FBXL7: variants seen among roughly 807,000 people sequenced by gnomAD.
The protein encoded by FBXL7 is F-box/LRR-repeat protein 7.
A neutral mutation model predicts 38.3 loss-of-function variants in FBXL7; 12 were observed. That is an observed-to-expected ratio of 0.31 (90% CI 0.20 to 0.51). The LOEUF (loss-of-function observed/expected upper bound fraction) is 0.51, where lower values mean the gene tolerates loss of function less well. FBXL7 is among the 20% of genes least tolerant of loss of function. The probability of loss-of-function intolerance (pLI) is 0.98; values close to 1 mark genes in which losing one functional copy is unlikely to be tolerated. For synonymous variants in FBXL7, 297 were observed against 300.9 expected (o/e 0.99, Z 0.13); for missense variants, 567 against 676.4 (o/e 0.84, Z 1.79).
intron 2 of FBXL7, among the ~76,000 whole-genome samples, chr5:15,668,292 C>T (rs931288280): frequency 2.6e-5 from 4 of 151,920 alleles, no homozygotes; most frequent in East Asian, 3.9e-4. Context: ...CCAGCTTCTA[C>T]GTTTTTCCTC....
chr5:15,913,148 C>T (rs940720603), intron 2 of FBXL7, among the ~76,000 whole-genome samples: 1 of 151,154 alleles, frequency 6.6e-6, no homozygotes, highest in Non-Finnish European at 1.5e-5. Flanking sequence ...TTGTTTGGCA[C>T]TTAGTGCCTT....
intron 2 of FBXL7, among the ~76,000 whole-genome samples, chr5:15,707,027 G>A (rs529283442): frequency 1.3e-5 from 2 of 152,016 alleles, no homozygotes; most frequent in Non-Finnish European, 2.9e-5. Flanking sequence ...TAAAATTTAA[G>A]CCTTCACTTT....
intron 2 of FBXL7, among the ~76,000 whole-genome samples, chr5:15,892,348 G>A (rs1394900030): frequency 2.0e-5 from 3 of 152,340 alleles, no homozygotes; most frequent in African/African-American, 7.2e-5. Flanking sequence ...CAAAGACTGT[G>A]GCTCTTATGC....
intron 2 of FBXL7, among the ~76,000 whole-genome samples, chr5:15,787,579 A>G (rs868588911): frequency 6.6e-6 from 1 of 152,196 alleles, no homozygotes; most frequent in Non-Finnish European, 1.5e-5. Flanking sequence ...GGTCAGAAAT[A>G]CAGAGAGCCT....
At chr5:15,565,871 T>C (rs996427582) in intron 1 of FBXL7, among the ~76,000 whole-genome samples, 13 of 152,130 alleles carry the variant, frequency 8.5e-5, no homozygotes, top group African/African-American at 3.1e-4. Context: ...GTGACCCATA[T>C]GAGGGAGGAC....
At chr5:15,507,359 T>G (rs1478871911) in intron 1 of FBXL7, among the ~76,000 whole-genome samples, 1 of 152,222 alleles carries the variant, frequency 6.6e-6, no homozygotes, top group Non-Finnish European at 1.5e-5. Flanking sequence ...TTTGGGGATC[T>G]TTTTGCACAT....
intron 2 of FBXL7, among the ~76,000 whole-genome samples, chr5:15,647,477 A>G (rs1741569328): frequency 6.6e-6 from 1 of 152,240 alleles, no homozygotes; most frequent in Non-Finnish European, 1.5e-5. Context: ...AGACCACAGC[A>G]ATGTCTACAA....
chr5:15,618,648 T>C (rs971218069), intron 2 of FBXL7, among the ~76,000 whole-genome samples: 2 of 152,180 alleles, frequency 1.3e-5, no homozygotes, highest in African/African-American at 4.8e-5. Context: ...CTCTGACCTC[T>C]AGAGGGTGGA....
At chr5:15,518,107 CAGCCTCCT>C (rs1226301771) in intron 1 of FBXL7, among the ~76,000 whole-genome samples, 1 of 152,156 alleles carries the variant, frequency 6.6e-6, no homozygotes, top group African/African-American at 2.4e-5. Context: ...TCTCCTGTCT[CAGCCTCCT>C]GGGTACCTGG....
intron 1 of FBXL7, among the ~76,000 whole-genome samples, chr5:15,549,728 T>G (rs1173290146): frequency 6.6e-6 from 1 of 152,326 alleles, no homozygotes; most frequent in South Asian, 2.1e-4. Context: ...TGATTCTGAC[T>G]CCAGGCCCAC....
chr5:15,693,611 G>T (rs924737382), intron 2 of FBXL7, among the ~76,000 whole-genome samples: 1 of 152,046 alleles, frequency 6.6e-6, no homozygotes, highest in East Asian at 1.9e-4. Context: ...ACTCTGGCCC[G>T]CCATGTCCCC....
intron 2 of FBXL7, among the ~76,000 whole-genome samples, chr5:15,779,884 C>T (rs145299302): frequency 1.3e-5 from 2 of 152,252 alleles, no homozygotes; most frequent in African/African-American, 4.8e-5. Flanking sequence ...TCTTGGAATA[C>T]TTGTTTTTCA....
At chr5:15,550,499 C>T (rs1448552597) in intron 1 of FBXL7, among the ~76,000 whole-genome samples, 1 of 150,966 alleles carries the variant, frequency 6.6e-6, no homozygotes, top group African/African-American at 2.5e-5. Flanking sequence ...AAACTTAGGC[C>T]TGAAAAGAGC....
At chr5:15,921,145 G>T (rs1438457695) in intron 2 of FBXL7, among the ~76,000 whole-genome samples, 1 of 152,048 alleles carries the variant, frequency 6.6e-6, no homozygotes, top group Admixed American at 6.6e-5. Flanking sequence ...AATTTGGGAG[G>T]CCGAGGCAGG....
Position 15,790,128 on chromosome 5 carries a change from A to G in FBXL7, c.128-137762A>G, listed in dbSNP as rs572457513. Among the ~76,000 whole-genome samples, 42 of 152,330 alleles carry G rather than the reference A, an allele frequency of 2.8e-4. 1 individual carries two copies. Among genetic ancestry groups the G allele is most frequent in the African/African-American group, 9.6e-4 (40 of 41,574 alleles). ...TTTTTAAGTATACAACCTGATTTCAAAATTTAACCCTACTAAATTTTATGT... is the reference window on the plus strand; with the variant it reads ...TTTTTAAGTATACAACCTGATTTCAGAATTTAACCCTACTAAATTTTATGT... On this transcript the variant is annotated intron_variant, in intron 2 of 3. Transcript: ENST00000504595.
chr5:15,938,639 T>A lies in FBXL7; in HGVS notation c.*1453T>A, dbSNP rs928613105. 1 of 187,488 alleles carries A rather than the reference T, an allele frequency of 5.3e-6. No homozygotes were observed. Among genetic ancestry groups the A allele is most frequent in the African/African-American group, 2.3e-5 (1 of 43,122 alleles). 11.6% of individuals were successfully genotyped at this position (187,488 alleles called of 1,614,324 possible). A position where few individuals can be genotyped will look rare whatever the true frequency, so the allele number is the denominator to read the frequency against. On this transcript the variant is annotated 3_prime_UTR_variant, in exon 4 of 4. Coordinates refer to ENST00000504595, the MANE Select transcript of FBXL7 (RefSeq NM_012304.5). ...ATTCTGTTCACTCAACAATGCCAGATGAATGGAAGAGGGAACACACTGAGA... is the reference window on the plus strand; with the variant it reads ...ATTCTGTTCACTCAACAATGCCAGAAGAATGGAAGAGGGAACACACTGAGA...
At chr5:15,731,362 G>A (rs1561103520) in intron 2 of FBXL7, among the ~76,000 whole-genome samples, 1 of 152,096 alleles carries the variant, frequency 6.6e-6, no homozygotes, top group Non-Finnish European at 1.5e-5. Context: ...CAAAGAGAAA[G>A]CTTGTGCAGA....
intron 2 of FBXL7, among the ~76,000 whole-genome samples, chr5:15,687,773 A>G (rs1000461791): frequency 6.6e-6 from 1 of 152,208 alleles, no homozygotes; most frequent in African/African-American, 2.4e-5. Context: ...ATCAGTAGTT[A>G]TTTGGGTCTC....
At chr5:15,706,059 C>T (rs1268237280) in intron 2 of FBXL7, among the ~76,000 whole-genome samples, 1 of 152,096 alleles carries the variant, frequency 6.6e-6, no homozygotes, top group Non-Finnish European at 1.5e-5. Flanking sequence ...TCGCTGAGAC[C>T]TCTTCTACCT....
Sources: gnomAD v4.1 joint callset for allele counts (sites outside exome capture counted in the v4.1 genomes callset) on GRCh38, gnomAD v4.1.1 for gene constraint, MANE v1.5 for transcripts, NCBI Gene and HGNC (gene_info 2026-07-23, HGNC 2026-07-21) for gene names.